The following STPG4 variants were observed in gnomAD, a reference collection of about 807,000 sequenced individuals.
The protein encoded by STPG4 is sperm-tail PG-rich repeat containing 4.
Under a neutral mutation model 31.5 loss-of-function variants are expected in STPG4, and 41 were observed. That is an observed-to-expected ratio of 1.30 (90% confidence interval 1.01 to 1.69). The LOEUF (loss-of-function observed/expected upper bound fraction) is 1.69. Among genes scored for constraint, STPG4 ranks in the 40% most tolerant of loss-of-function variants. The pLI is 0.00. For missense variants in STPG4, 375 were observed against 293.4 expected (o/e 1.28, Z -2.03); for synonymous variants, 141 against 103.0 (o/e 1.37, Z -2.24).
intron 5 of STPG4, among the ~76,000 whole-genome samples, chr2:47,125,002 T>C (rs1686338758): frequency 6.6e-6 from 1 of 152,248 alleles, no homozygotes. Flanking sequence ...AGTTTTGATT[T>C]GCATTTCTCT....
chr2:47,114,440 G>A (rs1686104375), intron 5 of STPG4, among the ~76,000 whole-genome samples: 2 of 152,146 alleles, frequency 1.3e-5, no homozygotes, highest in Non-Finnish European at 2.9e-5. Flanking sequence ...CCAGGAGGCA[G>A]AGGTTGCAGT....
At chr2:47,105,280 C>T (rs1405242182) in intron 5 of STPG4, among the ~76,000 whole-genome samples, 7 of 151,996 alleles carry the variant, frequency 4.6e-5, no homozygotes, top group East Asian at 1.9e-4. Flanking sequence ...AGGCTGGCCT[C>T]GCTGTTTAAG....
At chr2:47,095,179 T>C (rs1161209276) in intron 5 of STPG4, among the ~76,000 whole-genome samples, 2 of 152,218 alleles carry the variant, frequency 1.3e-5, no homozygotes, top group Non-Finnish European at 2.9e-5. Flanking sequence ...TTTAAGGTCT[T>C]ATGAATTTGG....
At chr2:47,125,353 C>T (rs536551635) in intron 5 of STPG4, among the ~76,000 whole-genome samples, 2 of 152,092 alleles carry the variant, frequency 1.3e-5, no homozygotes, top group East Asian at 1.9e-4. Flanking sequence ...CTAGGGAGGT[C>T]GAGGCTGCAG....
Position 47,115,797 on chromosome 2 carries a change from C to T in STPG4, c.519+14144G>A, listed in dbSNP as rs557206825. On this transcript the variant is annotated intron_variant, in intron 5 of 6. Coordinates refer to ENST00000445927, the MANE Select transcript of STPG4 (RefSeq NM_001163561.2). The stretch of plus-strand genomic sequence containing the variant: ...CCTTCCTAGTTGCTGGGATTACAGG[C>T]GCACGCTGCCATGCACGACTAATTT... Among the ~76,000 whole-genome samples, 15 of 151,974 alleles carry T rather than the reference C, an allele frequency of 9.9e-5. No homozygotes were observed. In the East Asian group the frequency reaches 1.6e-3, roughly 16 times the overall value.
intron 3 of STPG4, among the ~76,000 whole-genome samples, chr2:47,135,468 C>G (rs1367901484): frequency 1.3e-5 from 2 of 152,124 alleles, no homozygotes; most frequent in Non-Finnish European, 2.9e-5. Context: ...CTCACTGCAA[C>G]CTGCACCTCC....
At chr2:47,097,531 G>A (rs1485925970) in intron 5 of STPG4, among the ~76,000 whole-genome samples, 2 of 152,078 alleles carry the variant, frequency 1.3e-5, no homozygotes, top group Admixed American at 6.6e-5. Context: ...AAGCTTGTCT[G>A]CCTTCCTCAG....
chr2:47,147,745 G>T (rs181290661), intron 3 of STPG4, among the ~76,000 whole-genome samples: 2 of 152,224 alleles, frequency 1.3e-5, no homozygotes, highest in East Asian at 3.9e-4. Flanking sequence ...TACAACACTA[G>T]GGGAAATAGC....
chr2:47,095,209 T>C (rs1685645682), intron 5 of STPG4, among the ~76,000 whole-genome samples: 1 of 152,212 alleles, frequency 6.6e-6, no homozygotes, highest in Non-Finnish European at 1.5e-5. Context: ...TACCTCAGTA[T>C]GGGACCTGAT....
At chr2:47,089,776 G>T (rs1365257709) in intron 6 of STPG4, among the ~76,000 whole-genome samples, 1 of 152,136 alleles carries the variant, frequency 6.6e-6, no homozygotes, top group African/African-American at 2.4e-5. Context: ...ATCTCTCCAT[G>T]GACTTGAGCC....
At chr2:47,092,937 T>C (rs1181078923) in intron 5 of STPG4, among the ~76,000 whole-genome samples, 1 of 152,064 alleles carries the variant, frequency 6.6e-6, no homozygotes, top group Non-Finnish European at 1.5e-5. Flanking sequence ...GGACTACAGG[T>C]GCGTGCCACC....
At chr2:47,152,865 A>T in intron 2 of STPG4, 92 bp downstream of exon 2, 1 of 899,734 alleles carries the variant, frequency 1.1e-6, no homozygotes, top group Non-Finnish European at 1.6e-6. Context: ...CTGTTTTCTT[A>T]CAATTTAGTG....
intron 5 of STPG4, chr2:47,129,464 C>T (rs1686429141): frequency 6.3e-6 from 1 of 158,790 alleles, no homozygotes; most frequent in Non-Finnish European, 1.4e-5. Context: ...TATCGAACGG[C>T]TGGGATGGGC....
At chr2:47,115,794 A>C (rs1293920116) in intron 5 of STPG4, among the ~76,000 whole-genome samples, 1 of 151,792 alleles carries the variant, frequency 6.6e-6, no homozygotes, top group Non-Finnish European at 1.5e-5. Context: ...CTGGGATTAC[A>C]GGCGCACGCT....
intron 5 of STPG4, among the ~76,000 whole-genome samples, chr2:47,103,334 T>A (rs967687411): frequency 1.3e-5 from 2 of 151,874 alleles, no homozygotes; most frequent in South Asian, 2.1e-4. Flanking sequence ...CGAGGGTCAA[T>A]TGATTCTAAA....
intron 3 of STPG4, among the ~76,000 whole-genome samples, chr2:47,131,135 T>C (rs956108143): frequency 6.6e-6 from 1 of 151,474 alleles, no homozygotes; most frequent in Non-Finnish European, 1.5e-5. Flanking sequence ...TATTTTTATT[T>C]ATTTATTTAG....
chr2:47,152,803 T>C (rs1288734043), intron 2 of STPG4, among the ~76,000 whole-genome samples, 154 bp downstream of exon 2: 1 of 152,236 alleles, frequency 6.6e-6, no homozygotes, highest in Non-Finnish European at 1.5e-5. Flanking sequence ...ATTCATATGC[T>C]GACACTAAAA....
intron 2 of STPG4, 43 bp from the exon 3 acceptor site, chr2:47,151,558 A>G: frequency 6.4e-7 from 1 of 1,563,178 alleles, no homozygotes; most frequent in Non-Finnish European, 8.7e-7. Flanking sequence ...GTAAACATGT[A>G]ACTTCTCCTA....
chr2:47,127,629 T>G (rs1686391724), intron 5 of STPG4, among the ~76,000 whole-genome samples: 1 of 152,206 alleles, frequency 6.6e-6, no homozygotes, highest in Non-Finnish European at 1.5e-5. Context: ...TCTGATGTAT[T>G]CTTCAGCATG....
Sources: allele counts gnomAD v4.1 joint callset (sites outside exome capture counted in the v4.1 genomes callset), GRCh38; gene constraint gnomAD v4.1.1; transcripts MANE v1.5; gene names NCBI Gene and HGNC (gene_info 2026-07-23, HGNC 2026-07-21).